The following GRID2 variants were observed in gnomAD, a reference collection of about 807,000 sequenced individuals.
The protein encoded by GRID2 is glutamate receptor ionotropic, delta-2.
A neutral mutation model predicts 114.8 loss-of-function variants in GRID2; 33 were observed. The ratio of observed to expected loss-of-function variants is 0.29; its 90% CI spans 0.22 to 0.38. The LOEUF (loss-of-function observed/expected upper bound fraction) is 0.38, where lower values mean the gene tolerates loss of function less well. Among genes scored for constraint, GRID2 ranks in the 10% least tolerant of loss-of-function variants. GRID2 has a pLI of 1.00. For missense variants in GRID2, 1,184 were observed against 1,257.7 expected, an observed-to-expected ratio of 0.94 and a Z score of 0.89; for synonymous variants, 505 against 449.9, an observed-to-expected ratio of 1.12 and a Z score of -1.55.
rs190962045 is a variant in GRID2 at position 92,885,353 on chromosome 4, A to C, written c.245-199642A>C. ...AACAGCCTTTCCTTATTGTTGTTTG[A>C]TTTTGAGAACTCCCATGTTATTGAT... is the stretch of plus-strand genomic sequence containing the variant. On this transcript the variant is annotated intron_variant, in intron 2 of 15. Coordinates refer to ENST00000282020, the MANE Select transcript of GRID2 (RefSeq NM_001510.4). 7.3e-3 allele frequency among the ~76,000 whole-genome samples: 1,115 copies of C among 152,224 alleles called. 9 individuals are homozygous for C. The highest frequency in any genetic ancestry group is 0.012 in the Non-Finnish European group (845 of 68,006).
chr4:92,851,271 T>A (rs945693837), intron 2 of GRID2, among the ~76,000 whole-genome samples: 2 of 151,966 alleles, frequency 1.3e-5, no homozygotes, highest in African/African-American at 4.8e-5. Context: ...AAGTATGATT[T>A]TTTTACTCTT....
intron 2 of GRID2, among the ~76,000 whole-genome samples, chr4:92,797,591 T>A (rs1227199567): frequency 6.6e-6 from 1 of 152,018 alleles, no homozygotes; most frequent in Admixed American, 6.6e-5. Context: ...AAGTTAAAAA[T>A]TTTAACTTTT....
chr4:92,923,975 A>C (rs1205261100), intron 2 of GRID2, among the ~76,000 whole-genome samples: 1 of 152,182 alleles, frequency 6.6e-6, no homozygotes, highest in Non-Finnish European at 1.5e-5. Flanking sequence ...CACTATTCAC[A>C]ATAGCAAAGA....
intron 13 of GRID2, among the ~76,000 whole-genome samples, chr4:93,603,457 G>A (rs372043192): frequency 9.2e-5 from 14 of 152,136 alleles, no homozygotes; most frequent in African/African-American, 2.2e-4. Context: ...GAAAGAAGCC[G>A]TCTCCATAAA....
chr4:93,022,617 T>C (rs1194035858), intron 2 of GRID2, among the ~76,000 whole-genome samples: 1 of 152,034 alleles, frequency 6.6e-6, no homozygotes, highest in East Asian at 1.9e-4. Flanking sequence ...AAACTTTTAA[T>C]CAAAATGTTT....
chr4:93,500,155 C>A (rs1190906445), intron 12 of GRID2, among the ~76,000 whole-genome samples: 4 of 151,952 alleles, frequency 2.6e-5, no homozygotes, highest in Non-Finnish European at 5.9e-5. Flanking sequence ...TGGATTCAAA[C>A]AAATCTGCAT....
At chr4:93,332,297 TGTGAGAGAGAGA>T (rs1758574598) in intron 8 of GRID2, among the ~76,000 whole-genome samples, 2 of 133,002 alleles carry the variant, frequency 1.5e-5, no homozygotes, top group Non-Finnish European at 3.1e-5. Context: ...TGTGTGTGTG[TGTGAGAGAGAGA>T]GAGAGAGAGA....
At chr4:93,608,296 C>CTTTTTTTTTTTTTTTATTTTTTTTTTTTT (rs774334616) in intron 13 of GRID2, among the ~76,000 whole-genome samples, 2 of 117,012 alleles carry the variant, frequency 1.7e-5, no homozygotes, top group African/African-American at 3.4e-5. Flanking sequence ...ATTTTTTTTT[C>CTTTTTTTTTTTTTTTATTTTTTTTTTTTT]TTTTTTTTTT....
intron 2 of GRID2, among the ~76,000 whole-genome samples, chr4:93,008,962 A>G (rs1721841751): frequency 1.3e-5 from 2 of 152,182 alleles, no homozygotes; most frequent in Admixed American, 6.6e-5. Flanking sequence ...TCTCTTCACA[A>G]AGTATAGGCC....
intron 13 of GRID2, among the ~76,000 whole-genome samples, chr4:93,538,086 A>C (rs944397423): frequency 1.3e-5 from 2 of 151,836 alleles, no homozygotes; most frequent in African/African-American, 4.8e-5. Context: ...TTTATTAAAA[A>C]TTGTATACTC....
intron 14 of GRID2, among the ~76,000 whole-genome samples, chr4:93,741,196 T>C (rs1289161632): frequency 3.3e-5 from 1 of 29,992 alleles, no homozygotes; most frequent in Non-Finnish European, 5.9e-5. Flanking sequence ...TATATATATA[T>C]ATATGTATAT....
chr4:92,744,050 A>T (rs1243044015), intron 2 of GRID2, among the ~76,000 whole-genome samples: 4 of 151,838 alleles, frequency 2.6e-5, no homozygotes, highest in African/African-American at 9.7e-5. Flanking sequence ...TTCCTACTCA[A>T]CCTAATATCA....
intron 2 of GRID2, among the ~76,000 whole-genome samples, chr4:92,769,361 C>A (rs189165634): frequency 6.6e-6 from 1 of 152,132 alleles, no homozygotes; most frequent in Non-Finnish European, 1.5e-5. Context: ...TTTCATGGGC[C>A]GGCGTTGAGT....
At chr4:93,534,802 A>C (rs1159542966) in intron 13 of GRID2, among the ~76,000 whole-genome samples, 4 of 151,744 alleles carry the variant, frequency 2.6e-5, no homozygotes, top group African/African-American at 9.7e-5. Flanking sequence ...GGAAATGATT[A>C]CCACAACCAA....
At chr4:93,397,881 G>A (rs1765488663) in intron 9 of GRID2, among the ~76,000 whole-genome samples, 1 of 151,568 alleles carries the variant, frequency 6.6e-6, no homozygotes, top group South Asian at 2.1e-4. Flanking sequence ...ATTTATTTTT[G>A]TTATTTTTAT....
At chr4:93,251,371 A>G (rs770810535) in intron 8 of GRID2, among the ~76,000 whole-genome samples, 17 of 152,106 alleles carry the variant, frequency 1.1e-4, no homozygotes, top group Non-Finnish European at 1.9e-4. Flanking sequence ...TATTTTTTTA[A>G]ATGGCAAAAA....
intron 9 of GRID2, among the ~76,000 whole-genome samples, chr4:93,416,786 A>G (rs1277385800): frequency 6.6e-6 from 1 of 152,100 alleles, no homozygotes; most frequent in East Asian, 1.9e-4. Context: ...TGAAGTTATT[A>G]TCTAATAACC....
At chr4:92,578,059 CTT>C (rs1727984726) in intron 1 of GRID2, among the ~76,000 whole-genome samples, 1 of 50,636 alleles carries the variant, frequency 2.0e-5, no homozygotes, top group African/African-American at 8.9e-5. Context: ...TCTTCTTCTT[CTT>C]CTTCTTCTTC....
chr4:93,105,300 T>C (rs891569097), intron 3 of GRID2, among the ~76,000 whole-genome samples: 5 of 152,154 alleles, frequency 3.3e-5, no homozygotes, highest in African/African-American at 1.2e-4. Context: ...GTGCAGAAGC[T>C]CTTTAGTTTA....
Sources: allele counts gnomAD v4.1 joint callset (sites outside exome capture counted in the v4.1 genomes callset), GRCh38; gene constraint gnomAD v4.1.1; transcripts MANE v1.5; gene names NCBI Gene and HGNC (gene_info 2026-07-23, HGNC 2026-07-21).